The following NOX4 variants were observed in gnomAD, a reference collection of about 807,000 sequenced individuals.
The protein encoded by NOX4 is NADPH oxidase 4, also known as kidney oxidase-1.
In NOX4, 69 loss-of-function variants were observed where a neutral mutation model predicts 87.6. The ratio of observed to expected loss-of-function variants is 0.79; its 90% CI spans 0.65 to 0.96. The LOEUF (loss-of-function observed/expected upper bound fraction) is 0.96, where lower values mean the gene tolerates loss of function less well. Among genes scored for constraint, NOX4 ranks in the 40% least tolerant of loss-of-function variants. The pLI is 0.00. For missense variants in NOX4, 680 were observed against 681.5 expected (o/e 1.00, Z 0.02); for synonymous variants, 275 against 238.2 (o/e 1.15, Z -1.42).
At chr11:89,551,719 T>TTGGCTGTGGATTTGTC in the NOX4 span, among the ~76,000 whole-genome samples, 1 of 152,172 alleles carries the variant, frequency 6.6e-6, no homozygotes, top group South Asian at 2.1e-4. Context: ...TTTCTAAATA[T>TTGGCTGTGGATTTGTC]ACAATCATGT....
intron 8 of NOX4, among the ~76,000 whole-genome samples, chr11:89,408,798 G>A (rs1942321909): frequency 6.6e-6 from 1 of 152,090 alleles, no homozygotes; most frequent in South Asian, 2.1e-4. Context: ...CCTGCTATTG[G>A]TTTACTGCTC....
chr11:89,574,675 C>G, the NOX4 span, among the ~76,000 whole-genome samples: 46 of 152,142 alleles, frequency 3.0e-4, no homozygotes, highest in African/African-American at 1.1e-3. Context: ...CTTCTAAGTA[C>G]CTGCGTGGCA....
intron 17 of NOX4, among the ~76,000 whole-genome samples, chr11:89,335,438 A>C (rs1945661842): frequency 6.6e-6 from 1 of 151,842 alleles, no homozygotes; most frequent in African/African-American, 2.4e-5. Flanking sequence ...TCTGGTAAAA[A>C]AAGGTACAAA....
the NOX4 span, among the ~76,000 whole-genome samples, chr11:89,526,286 G>A: frequency 6.6e-6 from 1 of 151,888 alleles, no homozygotes; most frequent in Non-Finnish European, 1.5e-5. Context: ...ACATTTATGG[G>A]GTACATCTGA....
intron 8 of NOX4, among the ~76,000 whole-genome samples, chr11:89,406,849 TATG>T (rs1942214030): frequency 6.6e-6 from 1 of 152,040 alleles, no homozygotes; most frequent in African/African-American, 2.4e-5. Context: ...CATATAAACA[TATG>T]ATAACCTCTT....
intron 7 of NOX4, among the ~76,000 whole-genome samples, chr11:89,427,271 A>G (rs1164659924): frequency 2.0e-5 from 3 of 152,206 alleles, no homozygotes; most frequent in Non-Finnish European, 2.9e-5. Context: ...AAAGATGGGG[A>G]AAAAAACAGA....
chr11:89,405,080 T>TTGTGTGTGTGTGTGTGTGTG (rs71472257), intron 8 of NOX4, among the ~76,000 whole-genome samples: 5,761 of 133,080 alleles, frequency 0.043, 243 homozygotes, highest in Admixed American at 0.1. Context: ...AAAAGTCAGA[T>TTGTGTGTGTGTGTGTGTGTG]TGTGTGTGTG....
At chr11:89,462,753 T>C (rs1216962413) in intron 2 of NOX4, among the ~76,000 whole-genome samples, 1 of 152,086 alleles carries the variant, frequency 6.6e-6, no homozygotes, top group Non-Finnish European at 1.5e-5. Flanking sequence ...TAATAGAACA[T>C]AATATATTAA....
chr11:89,425,585 A>G (rs1257151188), intron 7 of NOX4, among the ~76,000 whole-genome samples: 1 of 152,072 alleles, frequency 6.6e-6, no homozygotes, highest in Non-Finnish European at 1.5e-5. Flanking sequence ...AAAGTAAATT[A>G]AAAGTAATAC....
intron 13 of NOX4, among the ~76,000 whole-genome samples, chr11:89,349,489 G>T (rs1946363214): frequency 6.6e-6 from 1 of 152,086 alleles, no homozygotes; most frequent in Non-Finnish European, 1.5e-5. Flanking sequence ...CTGAGGCTTT[G>T]CAGTTTAAGG....
intron 8 of NOX4, among the ~76,000 whole-genome samples, chr11:89,404,369 G>T (rs573737457): frequency 6.6e-6 from 1 of 152,094 alleles, no homozygotes; most frequent in Non-Finnish European, 1.5e-5. Flanking sequence ...CTACTCCAAT[G>T]GTTCTTCAGA....
intron 8 of NOX4, among the ~76,000 whole-genome samples, chr11:89,413,966 C>T (rs1388305081): frequency 6.6e-6 from 1 of 151,750 alleles, no homozygotes; most frequent in Admixed American, 6.6e-5. Context: ...ACATAGACAA[C>T]AATAAAAATA....
chr11:89,406,098 T>A (rs1410672089), intron 8 of NOX4, among the ~76,000 whole-genome samples: 1 of 152,142 alleles, frequency 6.6e-6, no homozygotes, highest in Non-Finnish European at 1.5e-5. Flanking sequence ...ACTTTTTCAT[T>A]GTATGAGTAA....
the NOX4 span, among the ~76,000 whole-genome samples, chr11:89,507,408 G>A: frequency 3.3e-5 from 5 of 150,468 alleles, no homozygotes; most frequent in African/African-American, 9.7e-5. Flanking sequence ...ACACATAATA[G>A]GTAATACATA....
the NOX4 span, among the ~76,000 whole-genome samples, chr11:89,561,821 G>A: frequency 6.6e-6 from 1 of 152,042 alleles, no homozygotes; most frequent in Non-Finnish European, 1.5e-5. Context: ...AAATACTGTG[G>A]AAAAAAGGGG....
chr11:89,329,376 G>GAAAAAAAAAAAAAAAAAAAAAC (rs1554988054), intron 17 of NOX4, among the ~76,000 whole-genome samples: 1 of 77,718 alleles, frequency 1.3e-5, no homozygotes, highest in Non-Finnish European at 3.0e-5. Context: ...AAAAAAAAAA[G>GAAAAAAAAAAAAAAAAAAAAAC]AACAGAGCAT....
At chr11:89,414,971 T>A (rs1028879254) in intron 8 of NOX4, among the ~76,000 whole-genome samples, 1 of 151,950 alleles carries the variant, frequency 6.6e-6, no homozygotes, top group Admixed American at 6.6e-5. Context: ...AAATAAATAA[T>A]TCAATAATTC....
At chr11:89,544,765 C>CA in the NOX4 span, among the ~76,000 whole-genome samples, 756 of 151,418 alleles carry the variant, frequency 5.0e-3, 3 homozygotes, top group African/African-American at 0.01. Context: ...TGTCATACAG[C>CA]AAAAAAAATT....
the NOX4 span, among the ~76,000 whole-genome samples, chr11:89,552,473 C>T: frequency 3.9e-5 from 6 of 152,092 alleles, no homozygotes; most frequent in African/African-American, 1.4e-4. Context: ...TAATTCATTG[C>T]CTCACATTTA....
Sources: gnomAD v4.1 joint callset for allele counts (sites outside exome capture counted in the v4.1 genomes callset) on GRCh38, gnomAD v4.1.1 for gene constraint, MANE v1.5 for transcripts, NCBI Gene and HGNC (gene_info 2026-07-23, HGNC 2026-07-21) for gene names.